Variants in CFAP77 observed in about 807,000 individuals in gnomAD.
CFAP77 encodes the protein cilia- and flagella-associated protein 77.
Under a neutral mutation model 31.1 loss-of-function variants are expected in CFAP77, and 25 were observed. The ratio of observed to expected loss-of-function variants is 0.80; its 90% CI spans 0.59 to 1.12. CFAP77 has a LOEUF of 1.12. Ranked by LOEUF, CFAP77 falls within the 50% of genes most tolerant of loss-of-function variation. The pLI is 0.00. For synonymous variants in CFAP77, 151 were observed against 159.9 expected (o/e 0.94, Z 0.42); for missense variants, 377 against 397.3 (o/e 0.95, Z 0.44).
At position 132,518,369 on chromosome 9, in the gene CFAP77, G is replaced by A. The variant is rs952373653; in HGVS notation, c.524+18769G>A. Among the ~76,000 whole-genome samples the A allele has an allele frequency of 1.1e-4, 16 of 152,150 alleles. 1 individual carries two copies. The highest frequency in any genetic ancestry group is 4.6e-4 in the Admixed American group (7 of 15,272). Reference sequence around the variant, plus strand: ...GATCATTCAGACCCGCCTTGGAGCCGCTCAGCACACAGCTTAACCATTAGG... The same window carrying A: ...GATCATTCAGACCCGCCTTGGAGCCACTCAGCACACAGCTTAACCATTAGG... On this transcript the variant is annotated intron_variant, in intron 3 of 5. Coordinates refer to ENST00000393216, the MANE Select transcript of CFAP77 (RefSeq NM_001282957.2).
At chr9:132,459,233 A>G (rs1039454004) in intron 1 of CFAP77, among the ~76,000 whole-genome samples, 5 of 151,966 alleles carry the variant, frequency 3.3e-5, no homozygotes, top group African/African-American at 7.2e-5. Flanking sequence ...CACCACGCCC[A>G]GCTAATTTTT....
chr9:132,440,769 C>T (rs1006775633), intron 1 of CFAP77, among the ~76,000 whole-genome samples: 2 of 152,146 alleles, frequency 1.3e-5, no homozygotes, highest in African/African-American at 2.4e-5. Flanking sequence ...TCCAGGGAGC[C>T]GAGGCTCAGA....
chr9:132,489,728 C>A (rs1055712306), intron 1 of CFAP77, among the ~76,000 whole-genome samples: 26 of 152,186 alleles, frequency 1.7e-4, no homozygotes, highest in South Asian at 6.2e-4. Context: ...TGTCCCAGGA[C>A]CTTTGCACAT....
At position 132,525,745 on chromosome 9, in the gene CFAP77, A is replaced by G. The variant is rs147989403; in HGVS notation, c.525-11856A>G. On this transcript the variant is annotated intron_variant, in intron 3 of 5. Transcript: ENST00000393216. ...CAAAGATCTTCCTCACACCCCCTAT[A>G]GTGAACCCTGCTTCCCTCTATTTCC... Among the ~76,000 whole-genome samples, 417 of 152,342 alleles carry G rather than the reference A, an allele frequency of 2.7e-3. 4 individuals are homozygous for G. Among genetic ancestry groups the G allele is most frequent in the African/African-American group, 9.5e-3 (395 of 41,580 alleles).
chr9:132,422,201 G>A (rs555751319), intron 1 of CFAP77, among the ~76,000 whole-genome samples: 1 of 152,304 alleles, frequency 6.6e-6, no homozygotes, highest in South Asian at 2.1e-4. Flanking sequence ...TAGATAGGGG[G>A]TTTCACCATG....
At chr9:132,516,288 G>A (rs543071942) in intron 3 of CFAP77, among the ~76,000 whole-genome samples, 1 of 152,344 alleles carries the variant, frequency 6.6e-6, no homozygotes, top group African/African-American at 2.4e-5. Flanking sequence ...CTGGCCTAGA[G>A]TCTGCTATTT....
chr9:132,458,354 G>GT (rs1554738885), intron 1 of CFAP77, among the ~76,000 whole-genome samples: 46 of 143,892 alleles, frequency 3.2e-4, no homozygotes, highest in Admixed American at 7.0e-4. Context: ...GGGGAGGGGG[G>GT]GGGGTGTGTA....
At chr9:132,463,177 T>C (rs1223108632) in intron 1 of CFAP77, among the ~76,000 whole-genome samples, 1 of 152,194 alleles carries the variant, frequency 6.6e-6, no homozygotes, top group Non-Finnish European at 1.5e-5. Flanking sequence ...ACGTCGCAAG[T>C]CAGCCAATCT....
intron 5 of CFAP77, among the ~76,000 whole-genome samples, chr9:132,563,760 G>A (rs974922464): frequency 7.9e-5 from 12 of 152,310 alleles, no homozygotes; most frequent in African/African-American, 2.6e-4. Context: ...GGAAGTTCCC[G>A]TTTCTCATGT....
intron 1 of CFAP77, among the ~76,000 whole-genome samples, chr9:132,413,425 G>T (rs1311306215): frequency 6.6e-6 from 1 of 152,196 alleles, no homozygotes; most frequent in Non-Finnish European, 1.5e-5. Flanking sequence ...GGCCACAAAA[G>T]ATGTAAATAT....
chr9:132,498,292 C>G lies in CFAP77; in HGVS notation c.196-403C>G, dbSNP rs1291888997. On this transcript the variant is annotated intron_variant, in intron 1 of 5. Transcript: ENST00000393216. This position sits in a 1 kb window ranked among gnomAD's most constrained non-coding sequence, Gnocchi z 4.2. ...GTGGGAATGAAGGTAGGAAAGATGT[C>G]TCCTTCCTTCGACGGGGCCTCCAGA... Among the ~76,000 whole-genome samples the G allele has an allele frequency of 6.6e-6, 1 of 152,106 alleles. No individual in the cohort carries two copies. The highest frequency in any genetic ancestry group is 1.5e-5 in the Non-Finnish European group (1 of 68,006).
At chr9:132,422,515 G>C (rs1164205507) in intron 1 of CFAP77, among the ~76,000 whole-genome samples, 3 of 152,196 alleles carry the variant, frequency 2.0e-5, no homozygotes, top group African/African-American at 7.2e-5. Context: ...GTGTGTATGT[G>C]TCCGCGTTCA....
intron 1 of CFAP77, among the ~76,000 whole-genome samples, chr9:132,471,955 G>A (rs75054138): frequency 0.031 from 4,762 of 152,210 alleles, 242 homozygotes; most frequent in African/African-American, 0.11. Context: ...GACTCAATCT[G>A]CCTGCCTTGG....
At chr9:132,444,974 C>CTTTCT (rs1850684756) in intron 1 of CFAP77, among the ~76,000 whole-genome samples, 1 of 133,778 alleles carries the variant, frequency 7.5e-6, no homozygotes, top group African/African-American at 2.8e-5. Flanking sequence ...TTCTTTCTTT[C>CTTTCT]TTTTTTTTTT....
intron 3 of CFAP77, among the ~76,000 whole-genome samples, chr9:132,529,396 T>A (rs550470034): frequency 1.5e-5 from 2 of 136,858 alleles, no homozygotes; most frequent in Non-Finnish European, 3.2e-5. Flanking sequence ...TTGGGAGATA[T>A]ACCTAATGCT....
At chr9:132,446,403 A>G (rs1320753987) in intron 1 of CFAP77, among the ~76,000 whole-genome samples, 1 of 151,682 alleles carries the variant, frequency 6.6e-6, no homozygotes, top group African/African-American at 2.4e-5. Flanking sequence ...GATCGCGTGT[A>G]GTGCTTCACT....
Position 132,444,733 on chromosome 9 carries a change from T to A in CFAP77, c.195+34267T>A, listed in dbSNP as rs180867383. On this transcript the variant is annotated intron_variant, in intron 1 of 5. Coordinates refer to ENST00000393216, the MANE Select transcript of CFAP77 (RefSeq NM_001282957.2). ...ATTGATCTTTTTTCTTTAAAATTTTTTAAAAAAAATTGTAGTAAAATATGC... is the reference window on the plus strand; with the variant it reads ...ATTGATCTTTTTTCTTTAAAATTTTATAAAAAAAATTGTAGTAAAATATGC... 7.2e-5 allele frequency among the ~76,000 whole-genome samples: 11 copies of A among 152,294 alleles called. No homozygotes were observed. The South Asian group carries it at 1.2e-3, about 17-fold the overall frequency.
At chr9:132,519,267 A>T (rs1398451883) in intron 3 of CFAP77, among the ~76,000 whole-genome samples, 2 of 18,886 alleles carry the variant, frequency 1.1e-4, no homozygotes, top group Admixed American at 6.1e-4. Context: ...TGGATGAGTG[A>T]GTGGGTGGGT....
rs1888841 is a variant in CFAP77, at chr9:132,495,300, G to A, written c.196-3395G>A. 5.0e-3 allele frequency among the ~76,000 whole-genome samples: 763 copies of A among 152,264 alleles called. 22 individuals carry two copies. Among genetic ancestry groups the A allele is most frequent in the Admixed American group, 0.046 (699 of 15,294 alleles). ...ACCTGCTCCTTGCTCCCTGCCTGAG[G>A]GTGGCAGCCAGCTCCTGAGTCTGTC... On this transcript the variant is annotated intron_variant, in intron 1 of 5. Transcript: ENST00000393216. The surrounding 1 kb of genome is among the most constrained non-coding windows in gnomAD (Gnocchi z 4.2).
Sources: gnomAD v4.1 joint callset for allele counts (sites outside exome capture counted in the v4.1 genomes callset) on GRCh38, gnomAD v4.1.1 for gene constraint, Gnocchi (gnomAD v3.1) non-coding constraint, MANE v1.5 for transcripts, NCBI Gene and HGNC (gene_info 2026-07-23, HGNC 2026-07-21) for gene names.